The following NALF1 variants were observed in gnomAD, a reference collection of about 807,000 sequenced individuals.
The protein encoded by NALF1 is NALCN channel auxiliary factor 1.
A neutral mutation model predicts 48.4 loss-of-function variants in NALF1; 3 were observed. The ratio of observed to expected loss-of-function variants is 0.06; its 90% CI spans 0.03 to 0.16. NALF1 has a LOEUF of 0.16. NALF1 is among the 10% of genes least tolerant of loss of function. NALF1 has a pLI of 1.00. For missense variants in NALF1, 526 were observed against 571.5 expected (o/e 0.92, Z 0.81); for synonymous variants, 262 against 245.7 (o/e 1.07, Z -0.62).
At chr13:107,623,790 T>A (rs1034046741) in intron 1 of NALF1, among the ~76,000 whole-genome samples, 6 of 152,026 alleles carry the variant, frequency 3.9e-5, no homozygotes, top group Admixed American at 2.6e-4. Context: ...TAGAAAACAA[T>A]AATGAGGAAA....
At chr13:107,429,488 G>A (rs1884339433) in intron 1 of NALF1, among the ~76,000 whole-genome samples, 1 of 152,118 alleles carries the variant, frequency 6.6e-6, no homozygotes, top group Admixed American at 6.6e-5. Context: ...GTTTAGATAA[G>A]GCAATAAAAC....
At chr13:107,691,796 A>C (rs1881574965) in intron 1 of NALF1, among the ~76,000 whole-genome samples, 1 of 152,228 alleles carries the variant, frequency 6.6e-6, no homozygotes, top group Non-Finnish European at 1.5e-5. Context: ...AAAAATAACA[A>C]AAAGAGTATG....
intron 1 of NALF1, among the ~76,000 whole-genome samples, chr13:107,680,018 G>A (rs1566441168): frequency 6.6e-6 from 1 of 152,094 alleles, no homozygotes; most frequent in Admixed American, 6.5e-5. Context: ...GTGTCCCTTC[G>A]GTGGCCATCA....
chr13:107,763,436 C>G (rs1877322314), intron 1 of NALF1, among the ~76,000 whole-genome samples: 1 of 144,962 alleles, frequency 6.9e-6, no homozygotes, highest in South Asian at 2.2e-4. Context: ...TTCAGAACAT[C>G]TGGGATCTAT....
chr13:107,794,242 A>C (rs1418956616), intron 1 of NALF1, among the ~76,000 whole-genome samples: 1 of 152,158 alleles, frequency 6.6e-6, no homozygotes, highest in African/African-American at 2.4e-5. Context: ...CCACTTTTAC[A>C]TTCAACATGA....
chr13:107,573,956 G>T (rs1878062348), intron 1 of NALF1, among the ~76,000 whole-genome samples: 1 of 152,150 alleles, frequency 6.6e-6, no homozygotes, highest in South Asian at 2.1e-4. Context: ...TTTATTAGCA[G>T]TGTGAGAACA....
intron 1 of NALF1, among the ~76,000 whole-genome samples, chr13:107,277,858 G>C (rs541122187): frequency 6.6e-6 from 1 of 152,164 alleles, no homozygotes; most frequent in African/African-American, 2.4e-5. Flanking sequence ...GGAGTTCAGC[G>C]GATGTGCCAG....
At chr13:107,530,825 A>G (rs559666336) in intron 1 of NALF1, among the ~76,000 whole-genome samples, 2 of 152,252 alleles carry the variant, frequency 1.3e-5, no homozygotes, top group South Asian at 2.1e-4. Flanking sequence ...TAAGTTATAT[A>G]TGAACTATTT....
At chr13:107,708,922 T>C (rs1875483792) in intron 1 of NALF1, among the ~76,000 whole-genome samples, 1 of 152,196 alleles carries the variant, frequency 6.6e-6, no homozygotes. Context: ...GTAAAGTGTG[T>C]TTATCAATAA....
chr13:107,522,775 T>C (rs986529265), intron 1 of NALF1, among the ~76,000 whole-genome samples: 5 of 151,214 alleles, frequency 3.3e-5, no homozygotes, highest in African/African-American at 7.4e-5. Context: ...GACTAATTTT[T>C]CTTTTTTTTC....
intron 1 of NALF1, among the ~76,000 whole-genome samples, chr13:107,700,139 A>G (rs1391906352): frequency 6.6e-6 from 1 of 151,946 alleles, no homozygotes; most frequent in African/African-American, 2.4e-5. Context: ...TTTTCACAGA[A>G]ATAGAAAAAA....
chr13:107,765,953 A>G (rs926536292), intron 1 of NALF1, among the ~76,000 whole-genome samples: 5 of 152,168 alleles, frequency 3.3e-5, no homozygotes, highest in African/African-American at 1.2e-4. Flanking sequence ...CTCTTTATCT[A>G]GGTCACATTG....
At chr13:107,730,074 T>A (rs990000277) in intron 1 of NALF1, among the ~76,000 whole-genome samples, 3 of 152,178 alleles carry the variant, frequency 2.0e-5, no homozygotes, top group Non-Finnish European at 4.4e-5. Flanking sequence ...CTAAGTCTGC[T>A]ACGAAATTTG....
At chr13:107,577,417 A>T (rs1878185641) in intron 1 of NALF1, among the ~76,000 whole-genome samples, 1 of 152,142 alleles carries the variant, frequency 6.6e-6, no homozygotes, top group Admixed American at 6.5e-5. Context: ...CTTGGAGACT[A>T]GCATGCAAAA....
chr13:107,347,231 A>AT (rs773541524), intron 1 of NALF1, among the ~76,000 whole-genome samples: 16 of 152,170 alleles, frequency 1.1e-4, no homozygotes, highest in Non-Finnish European at 2.1e-4. Context: ...TTTCTGAGGC[A>AT]TTCTGCCCCA....
At chr13:107,369,736 G>A (rs187181372) in intron 1 of NALF1, among the ~76,000 whole-genome samples, 1 of 152,192 alleles carries the variant, frequency 6.6e-6, no homozygotes, top group East Asian at 1.9e-4. Context: ...AAGAGAAATG[G>A]AAGAATCCCT....
At chr13:107,799,663 A>G (rs1878541303) in intron 1 of NALF1, among the ~76,000 whole-genome samples, 1 of 152,354 alleles carries the variant, frequency 6.6e-6, no homozygotes, top group Non-Finnish European at 1.5e-5. Context: ...TAGATGCTTT[A>G]AGAATAGAAA....
At chr13:107,375,741 C>T (rs1883324568) in intron 1 of NALF1, among the ~76,000 whole-genome samples, 1 of 152,076 alleles carries the variant, frequency 6.6e-6, no homozygotes, top group East Asian at 1.9e-4. Flanking sequence ...GGATATTATC[C>T]TCTCATCCTG....
In NALF1 at chr13:107,540,049, T is replaced by TACACACACACACACACACAC. The variant is rs143201791; in HGVS notation, c.915+325613_915+325632dup. Among the ~76,000 whole-genome samples the TACACACACACACACACACAC allele has an allele frequency of 5.6e-3, 841 of 149,500 alleles. 6 individuals are homozygous for TACACACACACACACACACAC. Among genetic ancestry groups the TACACACACACACACACACAC allele is most frequent in the African/African-American group, 0.012 (488 of 40,780 alleles). On this transcript the variant is annotated intron_variant, in intron 1 of 2. Transcript: ENST00000375915. ...AATAGATACCCATCAGCTTCTGATGTACACACACACACACACACACATACA... is the reference window on the plus strand; with the variant it reads ...AATAGATACCCATCAGCTTCTGATGTACACACACACACACACACACACACACACACACACACACACATACA...
Sources: gnomAD v4.1 joint callset for allele counts (sites outside exome capture counted in the v4.1 genomes callset) on GRCh38, gnomAD v4.1.1 for gene constraint, MANE v1.5 for transcripts, NCBI Gene and HGNC (gene_info 2026-07-23, HGNC 2026-07-21) for gene names.